ACSS3: variants seen among roughly 807,000 people sequenced by gnomAD.
The protein encoded by ACSS3 is acyl-CoA synthetase short-chain family member 3, mitochondrial.
In ACSS3, 64 loss-of-function variants were observed where a neutral mutation model predicts 84.2. The ratio of observed to expected loss-of-function variants is 0.76; its 90% CI spans 0.62 to 0.94. ACSS3 has a LOEUF of 0.94. Among genes scored for constraint, ACSS3 ranks in the 40% least tolerant of loss-of-function variants. The probability of loss-of-function intolerance (pLI) is 0.00; values close to 1 mark genes in which losing one functional copy is unlikely to be tolerated. For missense variants in ACSS3, 815 were observed against 867.6 expected (o/e 0.94, Z 0.76); for synonymous variants, 317 against 310.1 (o/e 1.02, Z -0.23).
intron 13 of ACSS3, among the ~76,000 whole-genome samples, chr12:81,242,749 G>A (rs566638481): frequency 2.9e-5 from 4 of 139,868 alleles, no homozygotes; most frequent in Admixed American, 7.2e-5. Context: ...CAGAACCAAA[G>A]ACAAAAACCA....
chr12:81,173,315 G>A (rs1476461688), intron 7 of ACSS3, among the ~76,000 whole-genome samples: 1 of 152,052 alleles, frequency 6.6e-6, no homozygotes, highest in Non-Finnish European at 1.5e-5. Context: ...TGTATGAAGA[G>A]TAATGAAATA....
At chr12:81,189,518 A>G (rs1226080268) in intron 8 of ACSS3, among the ~76,000 whole-genome samples, 4 of 152,232 alleles carry the variant, frequency 2.6e-5, no homozygotes, top group Non-Finnish European at 4.4e-5. Flanking sequence ...CTTTTATAAC[A>G]TGCTTATTCA....
chr12:81,078,705 A>G (rs1349682578), intron 1 of ACSS3, among the ~76,000 whole-genome samples: 2 of 152,166 alleles, frequency 1.3e-5, no homozygotes, highest in Non-Finnish European at 2.9e-5. Flanking sequence ...TGGGAATAGT[A>G]AGAAAACTAA....
At chr12:81,097,655 A>T (rs1019525873) in intron 1 of ACSS3, among the ~76,000 whole-genome samples, 2 of 152,238 alleles carry the variant, frequency 1.3e-5, no homozygotes, top group Non-Finnish European at 2.9e-5. Context: ...CACTTTAGCC[A>T]GTCTGCTCAT....
At position 81,260,787 on chromosome 12, in the gene ACSS3, C is replaced by T. The variant is rs2035198104; in HGVS notation, c.*5865C>T. On this transcript the variant is annotated 3_prime_UTR_variant, in exon 16 of 16. Coordinates refer to ENST00000548058, the MANE Select transcript of ACSS3 (RefSeq NM_024560.4). ...GTTCCTCTGTCTATAACTGTTTTCT[C>T]TTAACCCTGTGCACACATTTTGTTC... The T allele has an allele frequency of 1.3e-5, 2 of 152,246 alleles. No homozygotes were observed. The highest frequency in any genetic ancestry group is 2.9e-5 in the Non-Finnish European group (2 of 68,008). 9.4% of individuals were successfully genotyped at this position (152,246 alleles called of 1,614,324 possible). A position where few individuals can be genotyped will look rare whatever the true frequency, so the allele number is the denominator to read the frequency against.
intron 1 of ACSS3, among the ~76,000 whole-genome samples, chr12:81,108,264 A>ATTT (rs1555245677): frequency 7.0e-6 from 1 of 142,338 alleles, no homozygotes; most frequent in South Asian, 2.3e-4. Flanking sequence ...TATTATTATT[A>ATTT]ATTATTATTA....
chr12:81,240,028 T>C (rs2033744527), intron 13 of ACSS3, among the ~76,000 whole-genome samples: 1 of 152,004 alleles, frequency 6.6e-6, no homozygotes, highest in African/African-American at 2.4e-5. Context: ...GACTTTTTTT[T>C]CTTATTCTTA....
At chr12:81,146,999 GA>G (rs777146126) in intron 5 of ACSS3, among the ~76,000 whole-genome samples, 16 of 147,370 alleles carry the variant, frequency 1.1e-4, no homozygotes, top group South Asian at 4.3e-4. Flanking sequence ...TCCTGCCCCA[GA>G]AAAAAAAAAG....
chr12:81,087,604 G>A (rs1881403558), intron 1 of ACSS3, among the ~76,000 whole-genome samples: 1 of 151,980 alleles, frequency 6.6e-6, no homozygotes, highest in African/African-American at 2.4e-5. Context: ...GAGTGCATGG[G>A]AGCTTAGAAA....
intron 13 of ACSS3, 108 bp from the exon 14 acceptor site, chr12:81,253,199 C>T (rs926103658): frequency 4.1e-6 from 5 of 1,221,372 alleles, no homozygotes; most frequent in East Asian, 5.0e-5. Flanking sequence ...TTTTCCCCAA[C>T]TGAAATTATA....
intron 13 of ACSS3, among the ~76,000 whole-genome samples, chr12:81,244,396 T>A (rs2033915297): frequency 6.6e-6 from 1 of 152,092 alleles, no homozygotes; most frequent in Non-Finnish European, 1.5e-5. Flanking sequence ...CCTGGATCTA[T>A]GATTTTGTGT....
chr12:81,192,591 T>C (rs2031629710), intron 8 of ACSS3, among the ~76,000 whole-genome samples: 1 of 152,198 alleles, frequency 6.6e-6, no homozygotes, highest in Non-Finnish European at 1.5e-5. Flanking sequence ...TTTACCTCCA[T>C]TATTAGCTAT....
chr12:81,107,558 A>G (rs1209279570), intron 1 of ACSS3, among the ~76,000 whole-genome samples: 15 of 104,290 alleles, frequency 1.4e-4, no homozygotes, highest in Admixed American at 4.3e-4. Flanking sequence ...ATATATATAT[A>G]TAAATGTTTT....
intron 7 of ACSS3, among the ~76,000 whole-genome samples, chr12:81,156,917 C>A (rs1708270762): frequency 6.6e-6 from 1 of 152,078 alleles, no homozygotes; most frequent in African/African-American, 2.4e-5. Context: ...GTGCCATCTA[C>A]TAATGTTTAA....
chr12:81,259,521 C>T lies in ACSS3; in HGVS notation c.*4599C>T, dbSNP rs1179903732. On this transcript the variant is annotated 3_prime_UTR_variant, in exon 16 of 16. Coordinates refer to ENST00000548058, the MANE Select transcript of ACSS3 (RefSeq NM_024560.4). ...ACTAATCAAATGTAATATCTGACTC[C>T]CCCCAAAAATCACATTTTTCAGCTT... 7.3e-6 allele frequency: 7 copies of T among 963,844 alleles called. No homozygotes were observed. The highest frequency in any genetic ancestry group is 2.7e-5 in the East Asian group (1 of 37,678). The allele number at this position is 963,844 out of a possible 1,614,324, so 59.7% of individuals were successfully genotyped here.
At chr12:81,131,880 A>T (rs1239162277) in intron 2 of ACSS3, among the ~76,000 whole-genome samples, 1 of 152,168 alleles carries the variant, frequency 6.6e-6, no homozygotes, top group Non-Finnish European at 1.5e-5. Flanking sequence ...ATCTACTGAG[A>T]TAATCATGTG....
At position 81,165,651 on chromosome 12, in the gene ACSS3, G is replaced by GAA. The variant is rs11366530; in HGVS notation, c.1099-9127_1099-9126dup. Among the ~76,000 whole-genome samples the GAA allele has an allele frequency of 5.6e-5, 8 of 142,514 alleles. No homozygotes were observed. The East Asian group carries it at 8.0e-4, about 14-fold the overall frequency. The allele number at this position is 142,514 out of a possible 152,430, so 93.5% of individuals were successfully genotyped here. ...ACAGAGCGAGACTCTGTCTCAAAAA[G>GAA]AAAAAAAAAAAGATTAATATAAAGT... On this transcript the variant is annotated intron_variant, in intron 7 of 15. Coordinates refer to ENST00000548058, the MANE Select transcript of ACSS3 (RefSeq NM_024560.4).
chr12:81,108,838 T>C (rs1883315741), intron 1 of ACSS3, among the ~76,000 whole-genome samples: 1 of 152,210 alleles, frequency 6.6e-6, no homozygotes, highest in African/African-American at 2.4e-5. Flanking sequence ...TTGGCATATG[T>C]AAAGCCTTTT....
intron 13 of ACSS3, among the ~76,000 whole-genome samples, chr12:81,236,297 T>A (rs2033628375): frequency 6.6e-6 from 1 of 151,476 alleles, no homozygotes; most frequent in Non-Finnish European, 1.5e-5. Context: ...CGTGCATTCC[T>A]GGGACAAACT....
Sources: allele counts gnomAD v4.1 joint callset (sites outside exome capture counted in the v4.1 genomes callset), GRCh38; gene constraint gnomAD v4.1.1; transcripts MANE v1.5; gene names NCBI Gene and HGNC (gene_info 2026-07-23, HGNC 2026-07-21).